FAM53A: variants seen among roughly 807,000 people sequenced by gnomAD.
FAM53A encodes the protein protein FAM53A.
FAM53A carries 28 observed loss-of-function variants against 26.6 expected under a neutral mutation model. The observed-to-expected ratio is 1.05, with a 90% CI of 0.78 to 1.45. The LOEUF (loss-of-function observed/expected upper bound fraction) is 1.45, where lower values mean the gene tolerates loss of function less well. FAM53A is among the 40% of genes most tolerant of loss of function. FAM53A has a pLI of 0.00. For synonymous variants in FAM53A, 290 were observed against 253.1 expected, an observed-to-expected ratio of 1.15 and a Z score of -1.38; for missense variants, 650 against 575.8, an observed-to-expected ratio of 1.13 and a Z score of -1.32.
At chr4:1,679,084 A>T (rs1329674740) in intron 1 of FAM53A, among the ~76,000 whole-genome samples, 10 of 152,348 alleles carry the variant, frequency 6.6e-5, no homozygotes, top group African/African-American at 1.9e-4. Context: ...AATAAAAAAC[A>T]GTTCCAGACT....
chr4:1,577,980 G>A, the FAM53A span, among the ~76,000 whole-genome samples: 1 of 152,108 alleles, frequency 6.6e-6, no homozygotes, highest in African/African-American at 2.4e-5. Context: ...ATGCTCTGGG[G>A]GTTCTCCCCA....
At chr4:1,603,194 TG>T in the FAM53A span, among the ~76,000 whole-genome samples, 4 of 152,084 alleles carry the variant, frequency 2.6e-5, no homozygotes, top group East Asian at 5.8e-4. Context: ...GGATAAGACA[TG>T]GGATGGCAAC....
At chr4:1,662,621 G>A (rs1249871031) in intron 2 of FAM53A, among the ~76,000 whole-genome samples, 1 of 141,716 alleles carries the variant, frequency 7.1e-6, no homozygotes, top group African/African-American at 2.6e-5. Context: ...CTGCACTCCA[G>A]CCTGGGCAAC....
intron 1 of FAM53A, among the ~76,000 whole-genome samples, chr4:1,634,601 A>G (rs915759271): frequency 2.0e-5 from 3 of 152,174 alleles, no homozygotes; most frequent in African/African-American, 4.8e-5. Context: ...GAGGTTGTCT[A>G]TAAAATCATC....
chr4:1,628,961 T>C (rs1350300727), intron 1 of FAM53A, among the ~76,000 whole-genome samples: 1 of 151,860 alleles, frequency 6.6e-6, no homozygotes, highest in Admixed American at 6.6e-5. Flanking sequence ...CCTTCTCCCC[T>C]GGGGCCCTGT....
intron 4 of FAM53A, among the ~76,000 whole-genome samples, chr4:1,654,302 T>A (rs1486888727): frequency 6.6e-6 from 1 of 152,196 alleles, no homozygotes; most frequent in Non-Finnish European, 1.5e-5. Context: ...CTCTGGTGAA[T>A]GCACTCCCTT....
At chr4:1,645,420 G>C (rs1472264132) in intron 4 of FAM53A, among the ~76,000 whole-genome samples, 1 of 152,356 alleles carries the variant, frequency 6.6e-6, no homozygotes, top group South Asian at 2.1e-4. Context: ...ATTCTAGACA[G>C]GGGAGCTGGC....
chr4:1,587,529 A>G, the FAM53A span, among the ~76,000 whole-genome samples: 4 of 152,118 alleles, frequency 2.6e-5, no homozygotes, highest in African/African-American at 7.2e-5. Flanking sequence ...AAAATTAGCT[A>G]GGCGTGGTGG....
chr4:1,684,517 T>C (rs529983308), upstream of FAM53A, among the ~76,000 whole-genome samples: 7 of 149,322 alleles, frequency 4.7e-5, no homozygotes, highest in South Asian at 8.4e-4. Context: ...TGTGCGAGGG[T>C]CTGGCCCCGC....
the FAM53A span, among the ~76,000 whole-genome samples, chr4:1,575,655 G>T: frequency 6.6e-6 from 1 of 152,116 alleles, no homozygotes; most frequent in Non-Finnish European, 1.5e-5. Flanking sequence ...GATACTGAGT[G>T]GCAGAGGAAG....
At chr4:1,677,772 C>T (rs1353814501) in intron 1 of FAM53A, among the ~76,000 whole-genome samples, 1 of 152,080 alleles carries the variant, frequency 6.6e-6, no homozygotes, top group Admixed American at 6.6e-5. Flanking sequence ...TGGTGAAACC[C>T]CATCTCTACT....
chr4:1,627,378 C>T (rs1308247796), intron 1 of FAM53A, among the ~76,000 whole-genome samples: 2 of 152,200 alleles, frequency 1.3e-5, no homozygotes, highest in African/African-American at 4.8e-5. Flanking sequence ...CGTGAACTGC[C>T]GACTGACGGA....
rs529424497 is a variant in FAM53A, at chr4:1,667,420, G to A, written c.75+1247C>T. On this transcript the variant is annotated intron_variant, in intron 2 of 4. Transcript: ENST00000308132. ...TTCCCCGCCTCGGCCACCTCCACCC[G>A]TGGACTGACAGCCGGAAACGTACTA... is the stretch of plus-strand genomic sequence containing the variant. 3.9e-4 allele frequency among the ~76,000 whole-genome samples: 60 copies of A among 152,260 alleles called. No individual in the cohort carries two copies. The East Asian group carries it at 9.9e-3, about 25-fold the overall frequency.
intron 4 of FAM53A, among the ~76,000 whole-genome samples, chr4:1,651,329 C>T (rs147553982): frequency 6.6e-6 from 1 of 151,756 alleles, no homozygotes; most frequent in African/African-American, 2.4e-5. Flanking sequence ...GTCAGAAGTT[C>T]AAGACCAGCC....
At chr4:1,682,890 C>T (rs1248315255) in intron 1 of FAM53A, among the ~76,000 whole-genome samples, 4 of 152,190 alleles carry the variant, frequency 2.6e-5, no homozygotes, top group East Asian at 3.8e-4. Context: ...AACATAAGGA[C>T]GCATCCAAAG....
rs1319766173 is a variant in FAM53A at position 1,659,317 on chromosome 4, C to T, written c.76-1849G>A. Reference sequence around the variant, plus strand: ...ACGCCACAGGGACCCTTGTTGCTGTCGATCCTCCCAGCCCCGGGCCTCCCC... The same window carrying T: ...ACGCCACAGGGACCCTTGTTGCTGTTGATCCTCCCAGCCCCGGGCCTCCCC... On this transcript the variant is annotated intron_variant, in intron 2 of 4. Transcript: ENST00000308132. The surrounding 1 kb of genome is among the most constrained non-coding windows in gnomAD (Gnocchi z 5.2). Among the ~76,000 whole-genome samples the T allele has an allele frequency of 2.0e-5, 3 of 152,216 alleles. No homozygotes were observed. In the East Asian group the frequency reaches 5.8e-4, roughly 29 times the overall value.
At chr4:1,579,609 C>T in the FAM53A span, among the ~76,000 whole-genome samples, 1 of 152,214 alleles carries the variant, frequency 6.6e-6, no homozygotes, top group African/African-American at 2.4e-5. Context: ...CCCGTTTCCC[C>T]GCCTGTAAAA....
the FAM53A span, among the ~76,000 whole-genome samples, chr4:1,590,916 G>C: frequency 7.6e-6 from 1 of 132,220 alleles, no homozygotes; most frequent in Non-Finnish European, 1.6e-5. Context: ...AATATTCTCA[G>C]TTGTAGTTTT....
At chr4:1,681,519 A>T (rs1294491791) in intron 1 of FAM53A, among the ~76,000 whole-genome samples, 1 of 142,448 alleles carries the variant, frequency 7.0e-6, no homozygotes, top group African/African-American at 2.7e-5. Flanking sequence ...GAAGAAACTC[A>T]AATCTTTTTT....
Sources: allele counts gnomAD v4.1 joint callset (sites outside exome capture counted in the v4.1 genomes callset), GRCh38; gene constraint gnomAD v4.1.1; non-coding constraint Gnocchi (gnomAD v3.1); transcripts MANE v1.5; gene names NCBI Gene and HGNC (gene_info 2026-07-23, HGNC 2026-07-21).